The following SCFD2 variants were observed in gnomAD, a reference collection of about 807,000 sequenced individuals.
SCFD2 encodes sec1 family domain containing 2.
A neutral mutation model predicts 58.9 loss-of-function variants in SCFD2; 54 were observed. The ratio of observed to expected loss-of-function variants is 0.92; its 90% CI spans 0.74 to 1.15. The LOEUF is 1.15. Among genes scored for constraint, SCFD2 ranks in the 50% most tolerant of loss-of-function variants. The pLI, the probability that SCFD2 is intolerant of heterozygous loss-of-function variation, is 0.00. For synonymous variants in SCFD2, 321 were observed against 335.9 expected (o/e 0.96, Z 0.49); for missense variants, 805 against 836.6 (o/e 0.96, Z 0.47).
At chr4:53,102,205 C>T (rs62339004) in intron 5 of SCFD2, among the ~76,000 whole-genome samples, 24,977 of 152,112 alleles carry the variant, frequency 0.16, 2,485 homozygotes, top group Middle Eastern at 0.26. Flanking sequence ...AATTGGAAAG[C>T]CATTTCCAAA....
At chr4:53,239,210 C>A (rs1165554739) in intron 4 of SCFD2, among the ~76,000 whole-genome samples, 1 of 151,760 alleles carries the variant, frequency 6.6e-6, no homozygotes, top group Non-Finnish European at 1.5e-5. Context: ...ACCAGTCAGG[C>A]GTGGCGGCGC....
chr4:53,234,355 A>T (rs1729530339), intron 4 of SCFD2, among the ~76,000 whole-genome samples: 1 of 152,176 alleles, frequency 6.6e-6, no homozygotes, highest in South Asian at 2.1e-4. Flanking sequence ...GCTTCCCTGG[A>T]GAGGAGAGAA....
At chr4:53,166,060 G>T (rs1560365710) in intron 4 of SCFD2, among the ~76,000 whole-genome samples, 1 of 152,132 alleles carries the variant, frequency 6.6e-6, no homozygotes, top group Non-Finnish European at 1.5e-5. Flanking sequence ...ACGTTATTTA[G>T]CATGTCTTAA....
At chr4:53,163,715 G>T (rs1254554040) in intron 4 of SCFD2, among the ~76,000 whole-genome samples, 1 of 152,094 alleles carries the variant, frequency 6.6e-6, no homozygotes, top group Non-Finnish European at 1.5e-5. Context: ...GGGTAACAGA[G>T]AAAGACTCCG....
chr4:52,978,722 G>A (rs1261599869), intron 5 of SCFD2, among the ~76,000 whole-genome samples: 1 of 152,062 alleles, frequency 6.6e-6, no homozygotes, highest in East Asian at 1.9e-4. Context: ...ACTTACCTGT[G>A]ACATTGATCT....
chr4:53,197,835 C>A (rs1728107105), intron 4 of SCFD2, among the ~76,000 whole-genome samples: 1 of 149,678 alleles, frequency 6.7e-6, no homozygotes, highest in African/African-American at 2.5e-5. Context: ...GTCAATGTAA[C>A]CTATGCTAAT....
intron 3 of SCFD2, among the ~76,000 whole-genome samples, chr4:53,293,257 A>C (rs1332419792): frequency 6.6e-6 from 1 of 152,070 alleles, no homozygotes; most frequent in East Asian, 1.9e-4. Flanking sequence ...GAACAATGAG[A>C]ACACATGGAT....
chr4:53,195,723 T>TTA (rs1197036672), intron 4 of SCFD2, among the ~76,000 whole-genome samples: 1 of 152,184 alleles, frequency 6.6e-6, no homozygotes, highest in Non-Finnish European at 1.5e-5. Flanking sequence ...ACCTATCAAA[T>TTA]TATAGCTCCT....
intron 2 of SCFD2, among the ~76,000 whole-genome samples, chr4:53,338,569 A>ATTTTTTT (rs1454636023): frequency 2.1e-4 from 12 of 58,364 alleles, no homozygotes; most frequent in Non-Finnish European, 2.8e-4. Flanking sequence ...AAAGCAGTAT[A>ATTTTTTT]TTTTTCTTTT....
chr4:53,244,454 C>A (rs1479352022), intron 4 of SCFD2, among the ~76,000 whole-genome samples: 1 of 152,140 alleles, frequency 6.6e-6, no homozygotes, highest in East Asian at 1.9e-4. Flanking sequence ...GGAAACCATA[C>A]AATTACATGG....
chr4:53,324,110 G>A lies in SCFD2; in HGVS notation c.1008-10347C>T, dbSNP rs115857573. Among the ~76,000 whole-genome samples the A allele has an allele frequency of 4.6e-3, 694 of 152,030 alleles. 2 individuals are homozygous for A. The highest frequency in any genetic ancestry group is 0.016 in the African/African-American group (668 of 41,480). The stretch of plus-strand genomic sequence containing the variant: ...ACACCATCCCCTAATAAATGTCTTC[G>A]ATACTATTTAAAAATGTACCCAGGA... On this transcript the variant is annotated intron_variant, in intron 2 of 8. Coordinates refer to ENST00000401642, the MANE Select transcript of SCFD2 (RefSeq NM_152540.4).
chr4:53,224,832 T>G (rs1175820828), intron 4 of SCFD2, among the ~76,000 whole-genome samples: 1 of 151,982 alleles, frequency 6.6e-6, no homozygotes, highest in South Asian at 2.1e-4. Flanking sequence ...TTCTACTTTA[T>G]ATATCTAATC....
chr4:53,237,030 T>A (rs1729645285), intron 4 of SCFD2, among the ~76,000 whole-genome samples: 1 of 148,702 alleles, frequency 6.7e-6, no homozygotes, highest in Non-Finnish European at 1.5e-5. Flanking sequence ...GATTAGGGAG[T>A]GGTGATGACT....
At chr4:53,010,791 G>A (rs1195486224) in intron 5 of SCFD2, among the ~76,000 whole-genome samples, 1 of 152,098 alleles carries the variant, frequency 6.6e-6, no homozygotes, top group African/African-American at 2.4e-5. Flanking sequence ...GGGGGGCGCG[G>A]TCCAGCCTCT....
chr4:53,222,595 T>A (rs1729080661), intron 4 of SCFD2, among the ~76,000 whole-genome samples: 1 of 150,162 alleles, frequency 6.7e-6, no homozygotes, highest in Non-Finnish European at 1.5e-5. Context: ...CCAATTAAAT[T>A]CATTGCAATT....
intron 4 of SCFD2, among the ~76,000 whole-genome samples, chr4:53,223,892 G>T (rs1233169520): frequency 6.6e-6 from 1 of 152,138 alleles, no homozygotes; most frequent in African/African-American, 2.4e-5. Context: ...TAATACTTCT[G>T]CATTATAGAT....
intron 5 of SCFD2, among the ~76,000 whole-genome samples, chr4:52,959,258 G>A (rs1401567419): frequency 1.3e-5 from 2 of 152,092 alleles, no homozygotes; most frequent in South Asian, 2.1e-4. Flanking sequence ...AGTATTGGCT[G>A]CAGTTTCTTT....
intron 5 of SCFD2, among the ~76,000 whole-genome samples, chr4:52,954,457 G>C (rs1488517106): frequency 2.0e-5 from 3 of 152,190 alleles, no homozygotes; most frequent in Admixed American, 2.0e-4. Context: ...CTACAATCCA[G>C]CTCCCTTGGG....
At chr4:53,257,672 T>C (rs902970034) in intron 4 of SCFD2, among the ~76,000 whole-genome samples, 1 of 152,212 alleles carries the variant, frequency 6.6e-6, no homozygotes, top group African/African-American at 2.4e-5. Flanking sequence ...ACAATTTTTC[T>C]TCCCAGGAAA....
Sources: allele counts gnomAD v4.1 joint callset (sites outside exome capture counted in the v4.1 genomes callset), GRCh38; gene constraint gnomAD v4.1.1; transcripts MANE v1.5; gene names NCBI Gene and HGNC (gene_info 2026-07-23, HGNC 2026-07-21).